ZFAND3: variants seen among roughly 807,000 people sequenced by gnomAD.
ZFAND3 encodes the protein zinc finger AN1-type containing 3.
A neutral mutation model predicts 29.6 loss-of-function variants in ZFAND3; 10 were observed. The observed-to-expected ratio is 0.34, with a 90% CI of 0.21 to 0.57. The LOEUF is 0.57. ZFAND3 is among the 20% of genes least tolerant of loss of function. The pLI is 0.86. For synonymous variants in ZFAND3, 128 were observed against 112.6 expected (o/e 1.14, Z -0.87); for missense variants, 230 against 304.5 (o/e 0.76, Z 1.82).
At chr6:37,872,846 T>C (rs1289673832) in intron 1 of ZFAND3, among the ~76,000 whole-genome samples, 1 of 152,256 alleles carries the variant, frequency 6.6e-6, no homozygotes, top group African/African-American at 2.4e-5. Flanking sequence ...TTCTTTTACG[T>C]GTCTTTTGGT....
chr6:38,075,211 CCT>C (rs1260437325), intron 3 of ZFAND3, among the ~76,000 whole-genome samples: 3 of 152,142 alleles, frequency 2.0e-5, no homozygotes, highest in African/African-American at 7.2e-5. Flanking sequence ...GATACTGATT[CCT>C]CTCATGGATC....
chr6:37,909,999 A>T (rs549294065), intron 1 of ZFAND3, among the ~76,000 whole-genome samples: 1 of 152,328 alleles, frequency 6.6e-6, no homozygotes, highest in Admixed American at 6.5e-5. Flanking sequence ...TAAAACATAA[A>T]TTTACATGAT....
chr6:38,080,495 G>A (rs1156490090), intron 3 of ZFAND3, among the ~76,000 whole-genome samples: 1 of 151,982 alleles, frequency 6.6e-6, no homozygotes, highest in African/African-American at 2.4e-5. Flanking sequence ...ATAATATAAA[G>A]TTTTATGGTT....
chr6:38,131,736 T>C (rs1216535329), intron 5 of ZFAND3, among the ~76,000 whole-genome samples: 2 of 152,220 alleles, frequency 1.3e-5, no homozygotes, highest in Non-Finnish European at 2.9e-5. Context: ...ACAGCCCCTA[T>C]TGGAGTATGT....
At chr6:38,110,368 CAGG>C (rs1024081720) in intron 4 of ZFAND3, among the ~76,000 whole-genome samples, 3 of 151,998 alleles carry the variant, frequency 2.0e-5, no homozygotes, top group African/African-American at 2.4e-5. Context: ...AGTAAAATGT[CAGG>C]AGAAGATGAA....
intron 1 of ZFAND3, among the ~76,000 whole-genome samples, chr6:37,860,186 T>G (rs1458012189): frequency 3.3e-5 from 5 of 150,860 alleles, no homozygotes; most frequent in East Asian, 1.9e-4. Flanking sequence ...GAGTTTTTTT[T>G]TTTTTTTTTT....
At chr6:37,907,811 C>T (rs1765436771) in intron 1 of ZFAND3, among the ~76,000 whole-genome samples, 1 of 152,182 alleles carries the variant, frequency 6.6e-6, no homozygotes, top group African/African-American at 2.4e-5. Flanking sequence ...TGACTATTAA[C>T]ATTTGCCTGC....
chr6:37,844,980 C>T lies in ZFAND3; in HGVS notation c.71+24964C>T, dbSNP rs530842104. Among the ~76,000 whole-genome samples the T allele has an allele frequency of 1.3e-3, 200 of 150,566 alleles. 4 individuals carry two copies. The highest frequency in any genetic ancestry group is 5.8e-4 in the Non-Finnish European group (39 of 67,712). On this transcript the variant is annotated intron_variant, in intron 1 of 5. Transcript: ENST00000287218. Reference sequence around the variant, plus strand: ...TGGAGCTTGCAGTGAGCCGAGATCACGCTACTGCACTCCAGCCTGGGCGAC... The same window carrying T: ...TGGAGCTTGCAGTGAGCCGAGATCATGCTACTGCACTCCAGCCTGGGCGAC...
At position 38,061,752 on chromosome 6, in the gene ZFAND3, T is replaced by A. The variant is rs1581884419; in HGVS notation, c.272T>A (p.Val91Glu). ...CAGCCGCTTCCGACAGAACTGAATG[T>A]AACTTCACCGAGTAAAGAGGAGTGT... ...SQQPLPTELN[V>E]TSPSKEECGP... The change falls in exon 3 of 6, where the codon GTA (valine) becomes GAA (glutamate). Residue 91 changes from valine to glutamate, a missense_variant. Transcript: ENST00000287218. The A allele has an allele frequency of 6.2e-7, 1 of 1,614,130 alleles. No homozygotes were observed. The highest frequency in any genetic ancestry group is 2.2e-5 in the East Asian group (1 of 44,872).
intron 1 of ZFAND3, among the ~76,000 whole-genome samples, chr6:37,874,981 A>T (rs1428363101): frequency 1.3e-5 from 2 of 152,186 alleles, no homozygotes; most frequent in Non-Finnish European, 2.9e-5. Context: ...TGTAGGAGAG[A>T]TGATACCTGT....
At chr6:38,128,274 A>C (rs1021211505) in intron 5 of ZFAND3, among the ~76,000 whole-genome samples, 2 of 152,202 alleles carry the variant, frequency 1.3e-5, no homozygotes, top group South Asian at 4.1e-4. Context: ...TTGTATGCAA[A>C]TACCTGCTAC....
intron 2 of ZFAND3, among the ~76,000 whole-genome samples, chr6:38,021,615 A>G (rs1763351280): frequency 6.6e-6 from 1 of 152,218 alleles, no homozygotes; most frequent in Non-Finnish European, 1.5e-5. Flanking sequence ...TAATTGCAGT[A>G]CCATAATCTG....
At chr6:38,110,003 T>G (rs530114136) in intron 4 of ZFAND3, among the ~76,000 whole-genome samples, 15 of 152,326 alleles carry the variant, frequency 9.8e-5, no homozygotes, top group Non-Finnish European at 1.9e-4. Context: ...CCCAATCTTG[T>G]GTTCCCAGGA....
chr6:38,075,643 A>G (rs1764537671), intron 3 of ZFAND3, among the ~76,000 whole-genome samples: 1 of 152,260 alleles, frequency 6.6e-6, no homozygotes. Flanking sequence ...GCAGAGTCTG[A>G]GAGGATTGAC....
chr6:38,003,317 TGAAA>T (rs1762983073), intron 2 of ZFAND3: 1 of 153,442 alleles, frequency 6.5e-6, no homozygotes, highest in Admixed American at 6.5e-5. Flanking sequence ...AGGCCTGAAA[TGAAA>T]GCTATTCCTG....
At chr6:38,005,123 G>T (rs1763026615) in intron 2 of ZFAND3, among the ~76,000 whole-genome samples, 1 of 152,166 alleles carries the variant, frequency 6.6e-6, no homozygotes, top group South Asian at 2.1e-4. Flanking sequence ...GATCAAAAAT[G>T]AGAGTCTGCT....
In ZFAND3 at chr6:38,031,055, G is replaced by GAT. The variant is rs1296424690; in HGVS notation, c.113-30536_113-30535dup. On this transcript the variant is annotated intron_variant, in intron 2 of 5. Transcript: ENST00000287218. ...TTAAATAAGAATGTGATAGATCAAG[G>GAT]ATACAACCAGTGGAAAGAGCCAACC... 2.0e-5 allele frequency among the ~76,000 whole-genome samples: 3 copies of GAT among 152,138 alleles called. 1 individual carries two copies. The East Asian group carries it at 5.8e-4, about 29-fold the overall frequency.
intron 3 of ZFAND3, among the ~76,000 whole-genome samples, chr6:38,071,135 G>C (rs980034798): frequency 2.0e-5 from 3 of 151,258 alleles, no homozygotes; most frequent in South Asian, 4.2e-4. Flanking sequence ...AAGAATTCTA[G>C]ATAAGTATTT....
At chr6:37,847,936 G>A (rs551043025) in intron 1 of ZFAND3, among the ~76,000 whole-genome samples, 1 of 152,366 alleles carries the variant, frequency 6.6e-6, no homozygotes, top group African/African-American at 2.4e-5. Flanking sequence ...ACAGAATTGA[G>A]TAGTTGTGAC....
Sources: allele counts gnomAD v4.1 joint callset (sites outside exome capture counted in the v4.1 genomes callset), GRCh38; gene constraint gnomAD v4.1.1; transcripts MANE v1.5; gene names NCBI Gene and HGNC (gene_info 2026-07-23, HGNC 2026-07-21).